ZCCHC4: variants seen among roughly 807,000 people sequenced by gnomAD.
ZCCHC4 encodes rRNA N(6)-adenosine-methyltransferase ZCCHC4.
Under a neutral mutation model 67.7 loss-of-function variants are expected in ZCCHC4, and 54 were observed. That is an observed-to-expected ratio of 0.80 (90% CI 0.64 to 1.00). ZCCHC4 has a LOEUF of 1.00. Ranked by LOEUF, ZCCHC4 falls within the 50% of genes least tolerant of loss-of-function variation. The pLI, the probability that ZCCHC4 is intolerant of heterozygous loss-of-function variation, is 0.00. For synonymous variants in ZCCHC4, 198 were observed against 213.5 expected, an observed-to-expected ratio of 0.93 and a Z score of 0.63; for missense variants, 609 against 617.0, an observed-to-expected ratio of 0.99 and a Z score of 0.14.
At chr4:25,315,435 A>T in intron 3 of ZCCHC4, 35 bp downstream of exon 3, 1 of 1,527,004 alleles carries the variant, frequency 6.5e-7, no homozygotes, top group African/African-American at 1.4e-5. Flanking sequence ...TTATTAGTTT[A>T]GCTGTCATTT....
intron 6 of ZCCHC4, among the ~76,000 whole-genome samples, chr4:25,345,919 T>C (rs7684976): frequency 1.1e-3 from 171 of 152,292 alleles, no homozygotes; most frequent in African/African-American, 3.9e-3. Context: ...GTTTCCCCTT[T>C]GCTGTCTGTG....
chr4:25,369,020 G>C lies in ZCCHC4; in HGVS notation c.1407-9G>C, dbSNP rs561697690. The C allele has an allele frequency of 8.7e-6, 14 of 1,602,904 alleles. No individual in the cohort carries two copies. The South Asian group carries it at 1.1e-4, about 13-fold the overall frequency. On this transcript the variant is annotated splice_polypyrimidine_tract_variant and intron_variant, in intron 12 of 12. Coordinates refer to ENST00000302874, the MANE Select transcript of ZCCHC4 (RefSeq NM_024936.3). ...ATTCTGTGAAATAATTTAGCACCTT[G>C]TTTTCCAGAGCTGTCAGAAAGCAGA... is the stretch of plus-strand genomic sequence containing the variant.
chr4:25,315,020 ATT>A (rs1718179627), intron 2 of ZCCHC4, among the ~76,000 whole-genome samples: 1 of 152,162 alleles, frequency 6.6e-6, no homozygotes, highest in South Asian at 2.1e-4. Flanking sequence ...GTAAAACAGT[ATT>A]ATATACCACT....
At chr4:25,317,928 T>C (rs185894643) in intron 3 of ZCCHC4, among the ~76,000 whole-genome samples, 1 of 152,296 alleles carries the variant, frequency 6.6e-6, no homozygotes, top group East Asian at 1.9e-4. Flanking sequence ...TGTTTTTAAA[T>C]GTAAAAGCAG....
chr4:25,315,124 G>A (rs1718184582), intron 2 of ZCCHC4, among the ~76,000 whole-genome samples, 194 bp from the exon 3 acceptor site: 1 of 152,174 alleles, frequency 6.6e-6, no homozygotes, highest in Non-Finnish European at 1.5e-5. Context: ...TAATCTCTCA[G>A]TGCTTTAATA....
In ZCCHC4 at chr4:25,364,434, ATTGT is replaced by A. The variant is rs1161868385; in HGVS notation, c.1210-17_1210-14del. 1 of 1,479,386 alleles carries A rather than the reference ATTGT, an allele frequency of 6.8e-7. No homozygotes were observed. The highest frequency in any genetic ancestry group is 9.0e-7 in the Non-Finnish European group (1 of 1,108,226). 91.6% of individuals were successfully genotyped at this position (1,479,386 alleles called of 1,614,324 possible). A position where few individuals can be genotyped will look rare whatever the true frequency, so the allele number is the denominator to read the frequency against. ...ATAACAAATTAATTATAATTTAAAAATTGTTTTTTTTTTTGGTAGGATGGCAGGA... is the reference window on the plus strand; with the variant it reads ...ATAACAAATTAATTATAATTTAAAAATTTTTTTTTTGGTAGGATGGCAGGA... On this transcript the variant is annotated splice_polypyrimidine_tract_variant and intron_variant, in intron 10 of 12. Coordinates refer to ENST00000302874, the MANE Select transcript of ZCCHC4 (RefSeq NM_024936.3).
Position 25,362,301 on chromosome 4 carries a change from G to T in ZCCHC4, c.1209G>T (p.Lys403Asn). 1.3e-6 allele frequency: 2 copies of T among 1,584,394 alleles called. No individual in the cohort carries two copies. Among genetic ancestry groups the T allele is most frequent in the Admixed American group, 1.7e-5 (1 of 58,164 alleles). ...AGCTCTGTAATTCTTGCACATCCAA[G>T]GTATGGTGTTCTTATAGAATGTATT... ...HCELCNSCTS[K>N]DGRKWNHCFL... Residue 403 changes from lysine to asparagine, a missense_variant and splice_region_variant, in exon 10 of 13, where the codon AAG becomes AAT. Transcript: ENST00000302874.
chr4:25,340,009 C>T (rs1577744949), intron 5 of ZCCHC4, among the ~76,000 whole-genome samples: 1 of 152,178 alleles, frequency 6.6e-6, no homozygotes, highest in South Asian at 2.1e-4. Flanking sequence ...GCTGGAACTA[C>T]AGGCGCCTGC....
intron 3 of ZCCHC4, among the ~76,000 whole-genome samples, chr4:25,325,803 T>G (rs1332932975): frequency 1.3e-5 from 2 of 152,230 alleles, no homozygotes; most frequent in African/African-American, 4.8e-5. Context: ...TTCCTAGAGT[T>G]AGGTCTATGA....
chr4:25,322,706 T>TG (rs898831539), intron 3 of ZCCHC4, among the ~76,000 whole-genome samples: 2 of 151,976 alleles, frequency 1.3e-5, no homozygotes, highest in Admixed American at 6.6e-5. Flanking sequence ...TTAGTAGAGA[T>TG]GGGGTTTTGC....
At position 25,317,746 on chromosome 4, in the gene ZCCHC4, C is replaced by T. The variant is rs1718345164; in HGVS notation, c.329+2346C>T. Among the ~76,000 whole-genome samples the T allele has an allele frequency of 2.8e-5, 4 of 145,030 alleles. No homozygotes were observed. The South Asian group carries it at 8.9e-4, about 32-fold the overall frequency. On this transcript the variant is annotated intron_variant, in intron 3 of 12. Coordinates refer to ENST00000302874, the MANE Select transcript of ZCCHC4 (RefSeq NM_024936.3). ...AAAAAAGAAAGAAAAGAAAATGGAG[C>T]ACTACTGTGAGGTAGGCACTGTGCT...
rs1194070021 is a variant in ZCCHC4, at chr4:25,361,920, T to C, written c.1073T>C (p.Val358Ala). 3 of 1,614,012 alleles carry C rather than the reference T, an allele frequency of 1.9e-6. No homozygotes were observed. Among genetic ancestry groups the C allele is most frequent in the South Asian group, 1.1e-5 (1 of 91,038 alleles). ...HGKTGRKQSP[V>A]RIFTNIPPNK... is the part of the protein sequence containing the mutation. ...AAGACAGGTCGAAAACAGTCTCCCG[T>C]GCGTATTTTCACCAACATTCCGCCC... The change falls in exon 9 of 13, where the codon GTG (valine) becomes GCG (alanine). Residue 358 changes from valine to alanine, a missense_variant. By Grantham distance (64) the Val-to-Ala change is moderately conservative. Transcript: ENST00000302874.
Position 25,324,015 on chromosome 4 carries a change from T to TTTTTTTTTTTTTTG in ZCCHC4, c.329+8628_329+8629insGTTTTTTTTTTTTT, listed in dbSNP as rs1718728239. ...CGTACAGTATGTACTGTTTTTTGTG[T>TTTTTTTTTTTTTTG]TTTTTTTTTTTTTTTGAGACAGAGT... On this transcript the variant is annotated intron_variant, in intron 3 of 12. Transcript: ENST00000302874. Among the ~76,000 whole-genome samples the TTTTTTTTTTTTTTG allele has an allele frequency of 1.1e-4, 4 of 37,636 alleles. 1 individual carries two copies. The highest frequency in any genetic ancestry group is 1.5e-4 in the Non-Finnish European group (3 of 20,448). 24.7% of individuals were successfully genotyped at this position (37,636 alleles called of 152,430 possible). A position where few individuals can be genotyped will look rare whatever the true frequency, so the allele number is the denominator to read the frequency against.
chr4:25,343,990 G>A (rs1463081327), intron 5 of ZCCHC4, among the ~76,000 whole-genome samples: 1 of 152,080 alleles, frequency 6.6e-6, no homozygotes, highest in Non-Finnish European at 1.5e-5. Flanking sequence ...AAATCCTATT[G>A]AGATAACAAA....
chr4:25,315,470 C>A, intron 3 of ZCCHC4, 70 bp downstream of exon 3: 2 of 1,159,446 alleles, frequency 1.7e-6, no homozygotes, highest in Non-Finnish European at 2.4e-6. Context: ...TTTTTCTGTG[C>A]CTTTAAGTTT....
At chr4:25,336,095 C>T (rs1331554652) in intron 5 of ZCCHC4, among the ~76,000 whole-genome samples, 1 of 152,214 alleles carries the variant, frequency 6.6e-6, no homozygotes, top group Non-Finnish European at 1.5e-5. Flanking sequence ...CCGTGTTGTG[C>T]AGTCATCACC....
intron 3 of ZCCHC4, among the ~76,000 whole-genome samples, chr4:25,319,055 T>A (rs1718432214): frequency 1.3e-5 from 2 of 152,164 alleles, no homozygotes; most frequent in Admixed American, 1.3e-4. Context: ...TAGTATAAAG[T>A]AAGGTGTGTT....
rs534776656 is a variant in ZCCHC4 at position 25,354,075 on chromosome 4, G to T, written c.1011+2386G>T. On this transcript the variant is annotated intron_variant, in intron 8 of 12. Transcript: ENST00000302874. ...CTTTTGCACCAACCTAATAATTCGT[G>T]CCCTTAGAAAACTGTTACATCCATA... Among the ~76,000 whole-genome samples, 4 of 152,186 alleles carry T rather than the reference G, an allele frequency of 2.6e-5. No individual in the cohort carries two copies. The South Asian group carries it at 8.3e-4, about 32-fold the overall frequency.
intron 5 of ZCCHC4, among the ~76,000 whole-genome samples, chr4:25,338,188 T>A (rs1427894495): frequency 2.0e-5 from 3 of 152,104 alleles, no homozygotes; most frequent in Admixed American, 2.0e-4. Flanking sequence ...ACCTCCTGGG[T>A]TCAAGCGATC....
Sources: allele counts gnomAD v4.1 joint callset (sites outside exome capture counted in the v4.1 genomes callset), GRCh38; gene constraint gnomAD v4.1.1; transcripts MANE v1.5; gene names NCBI Gene and HGNC (gene_info 2026-07-23, HGNC 2026-07-21).